The following DGKB variants were observed in gnomAD, a reference collection of about 807,000 sequenced individuals.
The protein encoded by DGKB is diacylglycerol kinase beta.
DGKB carries 67 observed loss-of-function variants against 114.3 expected under a neutral mutation model. The observed-to-expected ratio is 0.59, with a 90% CI of 0.48 to 0.72. The LOEUF (loss-of-function observed/expected upper bound fraction) is 0.72. Among genes scored for constraint, DGKB ranks in the 30% least tolerant of loss-of-function variants. The pLI is 0.00. For synonymous variants in DGKB, 398 were observed against 323.1 expected, an observed-to-expected ratio of 1.23 and a Z score of -2.49; for missense variants, 907 against 975.2, an observed-to-expected ratio of 0.93 and a Z score of 0.93.
chr7:14,183,520 T>G (rs1266647690), intron 23 of DGKB, among the ~76,000 whole-genome samples: 5 of 152,176 alleles, frequency 3.3e-5, no homozygotes, highest in Admixed American at 6.5e-5. Flanking sequence ...AGAAACTGTA[T>G]GGGGAAGGCT....
At chr7:14,853,150 CG>C (rs1849631501) in intron 1 of DGKB, among the ~76,000 whole-genome samples, 1 of 152,022 alleles carries the variant, frequency 6.6e-6, no homozygotes, top group South Asian at 2.1e-4. Context: ...TATTGAAGCA[CG>C]CGAGGGACTT....
intron 13 of DGKB, among the ~76,000 whole-genome samples, chr7:14,659,346 G>C (rs1371518788): frequency 6.6e-6 from 1 of 151,998 alleles, no homozygotes; most frequent in East Asian, 1.9e-4. Flanking sequence ...TCACGATATT[G>C]ATTCTTCCTA....
At chr7:14,477,341 C>A (rs1782332346) in intron 21 of DGKB, among the ~76,000 whole-genome samples, 1 of 152,100 alleles carries the variant, frequency 6.6e-6, no homozygotes, top group Admixed American at 6.5e-5. Context: ...AATGCAGCGA[C>A]AATAAAGCCC....
At chr7:14,962,507 T>C (rs1356579829) in intron 1 of DGKB, among the ~76,000 whole-genome samples, 1 of 152,122 alleles carries the variant, frequency 6.6e-6, no homozygotes, top group Non-Finnish European at 1.5e-5. Flanking sequence ...ATGATCCTGA[T>C]AGGTCAAATT....
At chr7:14,443,276 T>A (rs1199969832) in intron 21 of DGKB, among the ~76,000 whole-genome samples, 1 of 152,138 alleles carries the variant, frequency 6.6e-6, no homozygotes, top group Non-Finnish European at 1.5e-5. Context: ...AGTTACACGT[T>A]CGAATTTTAC....
intron 2 of DGKB, among the ~76,000 whole-genome samples, chr7:14,820,778 T>C (rs2128101587): frequency 6.6e-6 from 1 of 152,278 alleles, no homozygotes; most frequent in Non-Finnish European, 1.5e-5. Flanking sequence ...ACTCTGACTA[T>C]GTTAACCCAA....
intron 1 of DGKB, among the ~76,000 whole-genome samples, chr7:14,873,605 C>A (rs1433753741): frequency 2.0e-5 from 3 of 151,780 alleles, no homozygotes; most frequent in Non-Finnish European, 2.9e-5. Flanking sequence ...TATTACCAAC[C>A]TAATCTCCAT....
rs1444215266 is a variant in DGKB, at chr7:14,472,007, G to A, written c.1835+6154C>T. ...GACCAGATACTTTGAAATAAGCTGC[G>A]TGGATTTAAACAGTATTATTGTGAT... On this transcript the variant is annotated intron_variant, in intron 21 of 25. Coordinates refer to ENST00000402815, the MANE Select transcript of DGKB (RefSeq NM_001350709.2). Among the ~76,000 whole-genome samples, 12 of 152,212 alleles carry A rather than the reference G, an allele frequency of 7.9e-5. No homozygotes were observed. In the South Asian group the frequency reaches 1.4e-3, roughly 18 times the overall value.
chr7:14,469,763 G>A (rs1418258092), intron 21 of DGKB, among the ~76,000 whole-genome samples: 2 of 151,890 alleles, frequency 1.3e-5, no homozygotes, highest in African/African-American at 2.4e-5. Flanking sequence ...GAATCGAGGA[G>A]CATAGTAAAT....
At chr7:14,151,500 A>T (rs1158208364) in intron 25 of DGKB, among the ~76,000 whole-genome samples, 2 of 151,982 alleles carry the variant, frequency 1.3e-5, no homozygotes, top group African/African-American at 2.4e-5. Flanking sequence ...TATGCCTTTG[A>T]AAAAATAGCA....
chr7:14,856,447 A>G (rs1850161030), intron 1 of DGKB, among the ~76,000 whole-genome samples: 1 of 152,120 alleles, frequency 6.6e-6, no homozygotes, highest in African/African-American at 2.4e-5. Flanking sequence ...TATTATTTCT[A>G]TGCTTCTTTT....
intron 13 of DGKB, among the ~76,000 whole-genome samples, chr7:14,648,649 G>T (rs1486056915): frequency 6.6e-6 from 1 of 152,066 alleles, no homozygotes; most frequent in Non-Finnish European, 1.5e-5. Context: ...GATGGAGAAT[G>T]ACTTTGACGA....
intron 20 of DGKB, among the ~76,000 whole-genome samples, chr7:14,513,406 C>G (rs900321318): frequency 4.6e-5 from 7 of 152,002 alleles, no homozygotes; most frequent in Middle Eastern, 3.4e-3. Context: ...GTGTATTTTG[C>G]ACTTTCTCAT....
chr7:14,350,848 A>T (rs930146976), intron 21 of DGKB, among the ~76,000 whole-genome samples: 1 of 152,100 alleles, frequency 6.6e-6, no homozygotes, highest in Admixed American at 6.6e-5. Flanking sequence ...TATTTTAAGT[A>T]GCTTAGTTAA....
At chr7:14,939,814 C>T (rs55659634) in intron 1 of DGKB, among the ~76,000 whole-genome samples, 21,501 of 151,552 alleles carry the variant, frequency 0.14, 1,585 homozygotes, top group Admixed American at 0.2. Flanking sequence ...AGGATTTCAC[C>T]GTGTTAGCCA....
intron 15 of DGKB, among the ~76,000 whole-genome samples, chr7:14,617,837 C>A (rs1386502644): frequency 6.6e-6 from 1 of 151,598 alleles, no homozygotes; most frequent in East Asian, 1.9e-4. Context: ...AAGTCTTTAC[C>A]CAAATATCAC....
intron 1 of DGKB, among the ~76,000 whole-genome samples, chr7:14,851,083 T>A (rs760510865): frequency 2.0e-5 from 3 of 152,172 alleles, no homozygotes. Flanking sequence ...ACAAGTAGAA[T>A]TGCTTTTATT....
intron 4 of DGKB, among the ~76,000 whole-genome samples, chr7:14,750,498 C>T (rs1320967369): frequency 7.2e-5 from 11 of 151,994 alleles, no homozygotes; most frequent in African/African-American, 2.4e-4. Flanking sequence ...CAAATCTGCC[C>T]GCCTCCATCT....
chr7:14,319,935 C>A (rs1000587948), intron 23 of DGKB, among the ~76,000 whole-genome samples: 3 of 152,186 alleles, frequency 2.0e-5, no homozygotes, highest in East Asian at 1.9e-4. Context: ...CATTTGTATT[C>A]TCACCTTGGG....
Sources: allele counts gnomAD v4.1 joint callset (sites outside exome capture counted in the v4.1 genomes callset), GRCh38; gene constraint gnomAD v4.1.1; transcripts MANE v1.5; gene names NCBI Gene and HGNC (gene_info 2026-07-23, HGNC 2026-07-21).